Variants in PDS5A observed in about 807,000 individuals in gnomAD.
PDS5A encodes the protein sister chromatid cohesion protein PDS5 homolog A.
Under a neutral mutation model 167.1 loss-of-function variants are expected in PDS5A, and 42 were observed. The ratio of observed to expected loss-of-function variants is 0.25; its 90% CI spans 0.20 to 0.33. The LOEUF (loss-of-function observed/expected upper bound fraction) is 0.33. Ranked by LOEUF, PDS5A falls within the 10% of genes least tolerant of loss-of-function variation. The pLI is 1.00. For synonymous variants in PDS5A, 553 were observed against 554.6 expected (o/e 1.00, Z 0.04); for missense variants, 1,033 against 1,605.9 (o/e 0.64, Z 6.10).
At chr4:39,930,246 A>AAAAAAAAAAAAATTTTTTT in intron 2 of PDS5A, among the ~76,000 whole-genome samples, 7 of 93,162 alleles carry the variant, frequency 7.5e-5, no homozygotes, top group Non-Finnish European at 1.1e-4. Flanking sequence ...AAAAAAAAAA[A>AAAAAAAAAAAAATTTTTTT]GTTTTTTTGT....
chr4:39,889,220 A>G (rs746037761), intron 17 of PDS5A, among the ~76,000 whole-genome samples: 1 of 152,256 alleles, frequency 6.6e-6, no homozygotes, highest in Non-Finnish European at 1.5e-5. Context: ...CAGAGAAAAG[A>G]CCACAAGAGG....
At chr4:39,833,416 C>T (rs916069434) in intron 32 of PDS5A, among the ~76,000 whole-genome samples, 5 of 151,922 alleles carry the variant, frequency 3.3e-5, no homozygotes, top group Non-Finnish European at 7.4e-5. Context: ...AGGGTCTCCT[C>T]GGTCACCCAG....
At position 39,825,508 on chromosome 4, in the gene PDS5A, C is replaced by T. The variant is rs74972524; in HGVS notation, c.4011-20G>A. 4,775 of 1,558,256 alleles carry T rather than the reference C, an allele frequency of 3.1e-3. 15 individuals carry two copies. The highest frequency in any genetic ancestry group is 0.017 in the African/African-American group (1,283 of 73,628). ...TTTTACCTTAGGGTTAAGAATAGAA[C>T]GCAAAGTTAGAAAAGATGTGGAGAA... On this transcript the variant is annotated intron_variant, in intron 32 of 32. Coordinates refer to ENST00000303538, the MANE Select transcript of PDS5A (RefSeq NM_001100399.2).
intron 2 of PDS5A, among the ~76,000 whole-genome samples, chr4:39,930,392 C>T (rs529587359): frequency 2.6e-5 from 4 of 151,334 alleles, no homozygotes; most frequent in Admixed American, 2.6e-4. Context: ...CATGCCTGGG[C>T]TATTGAGTAT....
chr4:39,878,850 T>C (rs1200345443), intron 18 of PDS5A, among the ~76,000 whole-genome samples: 1 of 152,010 alleles, frequency 6.6e-6, no homozygotes, highest in Non-Finnish European at 1.5e-5. Context: ...TTCCAGTGAT[T>C]CTCCTGCCTC....
intron 17 of PDS5A, 113 bp from the exon 18 acceptor site, chr4:39,879,946 T>C (rs967735072): frequency 5.0e-6 from 3 of 599,636 alleles, no homozygotes; most frequent in Non-Finnish European, 8.4e-6. Flanking sequence ...AAGGAGTTTC[T>C]GTGGGGGAAA....
chr4:39,848,480 A>G (rs1027268026), intron 28 of PDS5A: 3 of 213,114 alleles, frequency 1.4e-5, no homozygotes, highest in Non-Finnish European at 2.8e-5. Flanking sequence ...TCTGCATTAT[A>G]AAGATGAAGA....
rs376190459 is a variant in PDS5A at position 39,923,638 on chromosome 4, A to AACACACACACACAAACACACACACAC, written c.528-891_528-890insGTGTGTGTGTGTTTGTGTGTGTGTGT. Among the ~76,000 whole-genome samples, 6 of 125,210 alleles carry AACACACACACACAAACACACACACAC rather than the reference A, an allele frequency of 4.8e-5. No homozygotes were observed. The East Asian group carries it at 7.6e-4, about 16-fold the overall frequency. 82.1% of individuals were successfully genotyped at this position (125,210 alleles called of 152,430 possible). A position where few individuals can be genotyped will look rare whatever the true frequency, so the allele number is the denominator to read the frequency against. ...GGGACAGACCAAGACCCTGTCTCAA[A>AACACACACACACAAACACACACACAC]ACACACACACACACACACACACACA... On this transcript the variant is annotated intron_variant, in intron 5 of 32. Coordinates refer to ENST00000303538, the MANE Select transcript of PDS5A (RefSeq NM_001100399.2).
chr4:39,891,018 T>C (rs1329447891), intron 16 of PDS5A, among the ~76,000 whole-genome samples: 2 of 151,998 alleles, frequency 1.3e-5, no homozygotes, highest in African/African-American at 4.8e-5. Context: ...TGACAGAACA[T>C]TGTGTTTTGT....
intron 16 of PDS5A, among the ~76,000 whole-genome samples, chr4:39,895,052 C>G (rs549379465): frequency 6.6e-6 from 1 of 151,930 alleles, no homozygotes; most frequent in African/African-American, 2.4e-5. Flanking sequence ...ATGGTGAAAC[C>G]GCGTCTCTAC....
At position 39,824,471 on chromosome 4, in the gene PDS5A, C is replaced by G. The variant is rs181493972; in HGVS notation, c.*1014G>C. On this transcript the variant is annotated 3_prime_UTR_variant, in exon 33 of 33. Transcript: ENST00000303538. Reference sequence around the variant, plus strand: ...AAACATAAAAATGAGCCCAGACCATCAGACAAAAGCAAAACACTTATTTCC... The same window carrying G: ...AAACATAAAAATGAGCCCAGACCATGAGACAAAAGCAAAACACTTATTTCC... 7 of 152,560 alleles carry G rather than the reference C, an allele frequency of 4.6e-5. No individual in the cohort carries two copies. The East Asian group carries it at 1.3e-3, about 29-fold the overall frequency. The allele number at this position is 152,560 out of a possible 1,614,324, so 9.5% of individuals were successfully genotyped here. A position where few individuals can be genotyped will look rare whatever the true frequency, so the allele number is the denominator to read the frequency against.
At chr4:39,903,237 A>G (rs1441051045) in intron 12 of PDS5A, among the ~76,000 whole-genome samples, 1 of 152,234 alleles carries the variant, frequency 6.6e-6, no homozygotes, top group South Asian at 2.1e-4. Context: ...TATTACTTCC[A>G]GAAAATGTAG....
intron 25 of PDS5A, among the ~76,000 whole-genome samples, chr4:39,862,617 A>G (rs1438103270): frequency 1.3e-5 from 2 of 152,194 alleles, no homozygotes; most frequent in Non-Finnish European, 2.9e-5. Context: ...TTAGTCTGAC[A>G]TCCGAGCAAT....
At chr4:39,976,317 C>T in intron 2 of PDS5A, 123 bp downstream of exon 2, 2 of 658,110 alleles carry the variant, frequency 3.0e-6, no homozygotes, top group Non-Finnish European at 5.2e-6. Flanking sequence ...TACAACAGTA[C>T]CTTTCAGAGG....
At chr4:39,931,799 C>G (rs1056739970) in intron 2 of PDS5A, among the ~76,000 whole-genome samples, 3 of 151,958 alleles carry the variant, frequency 2.0e-5, no homozygotes, top group Non-Finnish European at 4.4e-5. Flanking sequence ...AAGGATCATT[C>G]AGAGCTATCT....
At chr4:39,916,824 C>T (rs538909629) in intron 8 of PDS5A, among the ~76,000 whole-genome samples, 7 of 151,970 alleles carry the variant, frequency 4.6e-5, no homozygotes, top group East Asian at 3.9e-4. Context: ...CGAGACTGCG[C>T]CATTGCACTC....
At chr4:39,915,350 T>C (rs982725387) in intron 8 of PDS5A, among the ~76,000 whole-genome samples, 2 of 147,048 alleles carry the variant, frequency 1.4e-5, no homozygotes, top group Admixed American at 6.8e-5. Context: ...CTGATTTTTT[T>C]TTTTTTTTTT....
chr4:39,912,908 C>T (rs1334426629), intron 9 of PDS5A, among the ~76,000 whole-genome samples: 1 of 152,090 alleles, frequency 6.6e-6, no homozygotes, highest in Non-Finnish European at 1.5e-5. Flanking sequence ...TTAAAACACA[C>T]CATACAATGT....
chr4:39,905,477 G>A (rs78195435), intron 11 of PDS5A, among the ~76,000 whole-genome samples: 3,748 of 152,282 alleles, frequency 0.025, 157 homozygotes, highest in East Asian at 0.18. Flanking sequence ...GAAATCACTT[G>A]AGCCTGAGAG....
Sources: allele counts gnomAD v4.1 joint callset (sites outside exome capture counted in the v4.1 genomes callset), GRCh38; gene constraint gnomAD v4.1.1; transcripts MANE v1.5; gene names NCBI Gene and HGNC (gene_info 2026-07-23, HGNC 2026-07-21).